The following ANKRD29 variants were observed in gnomAD, a reference collection of about 807,000 sequenced individuals.
The protein encoded by ANKRD29 is ankyrin repeat domain-containing protein 29.
ANKRD29 carries 32 observed loss-of-function variants against 38.0 expected under a neutral mutation model. The ratio of observed to expected loss-of-function variants is 0.84; its 90% CI spans 0.64 to 1.13. The LOEUF (loss-of-function observed/expected upper bound fraction) is 1.13, where lower values mean the gene tolerates loss of function less well. Ranked by LOEUF, ANKRD29 falls within the 50% of genes most tolerant of loss-of-function variation. ANKRD29 has a pLI of 0.00. For synonymous variants in ANKRD29, 135 were observed against 152.4 expected (o/e 0.89, Z 0.84); for missense variants, 357 against 377.9 (o/e 0.94, Z 0.46).
At chr18:23,606,361 C>T (rs1229644288) in intron 9 of ANKRD29, among the ~76,000 whole-genome samples, 2 of 152,184 alleles carry the variant, frequency 1.3e-5, no homozygotes, top group East Asian at 3.8e-4. Context: ...TTCAAGCGAT[C>T]CTGCTGCCTC....
intron 9 of ANKRD29, among the ~76,000 whole-genome samples, chr18:23,608,312 G>A (rs545580726): frequency 6.6e-6 from 1 of 152,302 alleles, no homozygotes; most frequent in African/African-American, 2.4e-5. Flanking sequence ...TAGCAAGACT[G>A]GCTTCTATGG....
intron 6 of ANKRD29, among the ~76,000 whole-genome samples, chr18:23,620,990 G>T (rs1568018451): frequency 6.6e-6 from 1 of 152,152 alleles, no homozygotes; most frequent in Non-Finnish European, 1.5e-5. Context: ...ACCCTGGGGT[G>T]TAAGAGTGCA....
intron 7 of ANKRD29, chr18:23,619,304 C>T (rs2059764063): frequency 3.9e-6 from 2 of 511,040 alleles, no homozygotes. Flanking sequence ...CTACCGCCCT[C>T]AGGCCTAAGG....
In ANKRD29 at chr18:23,649,319, T is replaced by G. The variant is rs372026075; in HGVS notation, c.22-126A>C. The G allele has an allele frequency of 1.4e-4, 105 of 769,856 alleles. No individual in the cohort carries two copies. In the East Asian group the frequency reaches 1.9e-3, roughly 14 times the overall value. 47.7% of individuals were successfully genotyped at this position (769,856 alleles called of 1,614,324 possible). On this transcript the variant is annotated intron_variant, in intron 1 of 9. Transcript: ENST00000592179. Reference sequence around the variant, plus strand: ...TGTGTTGCATCATTTGAAAGATTGATCCTCCAGCAATAGACAACTGTAATA... The same window carrying G: ...TGTGTTGCATCATTTGAAAGATTGAGCCTCCAGCAATAGACAACTGTAATA...
chr18:23,648,845 T>TC (rs1398063538), intron 2 of ANKRD29: 1 of 444,794 alleles, frequency 2.2e-6, no homozygotes, highest in East Asian at 3.5e-5. Flanking sequence ...GTGAAGTGCC[T>TC]CTTTCCCTAT....
At chr18:23,625,761 A>G (rs2059854576) in intron 6 of ANKRD29, among the ~76,000 whole-genome samples, 1 of 152,202 alleles carries the variant, frequency 6.6e-6, no homozygotes, top group Admixed American at 6.5e-5. Context: ...GTTAATAAGC[A>G]AAATGGGGCC....
rs763134882 is a variant in ANKRD29, at chr18:23,617,688, A to C, written c.723+44T>G. The C allele has an allele frequency of 2.6e-6, 4 of 1,544,868 alleles. No homozygotes were observed. The South Asian group carries it at 4.5e-5, about 17-fold the overall frequency. On this transcript the variant is annotated intron_variant, in intron 8 of 9. Transcript: ENST00000592179. Reference sequence around the variant, plus strand: ...GTCCCCAAGTGAGGACTTACTTTCTAACCTCTCTCTTACAGATTAGTAAAA... The same window carrying C: ...GTCCCCAAGTGAGGACTTACTTTCTCACCTCTCTCTTACAGATTAGTAAAA...
chr18:23,639,066 G>A, intron 3 of ANKRD29, 119 bp from the exon 4 acceptor site: 1 of 679,296 alleles, frequency 1.5e-6, no homozygotes, highest in Non-Finnish European at 2.3e-6. Flanking sequence ...CTAGGAAGGG[G>A]CTAAATTTGA....
At chr18:23,623,492 A>G in intron 6 of ANKRD29, among the ~76,000 whole-genome samples, 1 of 151,874 alleles carries the variant, frequency 6.6e-6, no homozygotes, top group East Asian at 1.9e-4. Flanking sequence ...CTTCATTTTC[A>G]TCATGAAAAT....
chr18:23,610,380 A>C (rs921388123), intron 9 of ANKRD29, among the ~76,000 whole-genome samples: 1 of 152,228 alleles, frequency 6.6e-6, no homozygotes, highest in Admixed American at 6.5e-5. Context: ...GGGCAGGCTG[A>C]GGCAGGAGAA....
intron 2 of ANKRD29, 146 bp downstream of exon 2, chr18:23,648,937 T>C (rs761449767): frequency 1.5e-6 from 1 of 669,850 alleles, no homozygotes; most frequent in East Asian, 2.9e-5. Flanking sequence ...TTCACCACAG[T>C]ACCTTGGATG....
At chr18:23,660,002 T>G (rs1402446957) in intron 1 of ANKRD29, among the ~76,000 whole-genome samples, 3 of 151,730 alleles carry the variant, frequency 2.0e-5, no homozygotes, top group Non-Finnish European at 2.9e-5. Flanking sequence ...TCCCAGCTAC[T>G]CGGGGGGCTG....
At chr18:23,628,232 T>C (rs1711464) in intron 6 of ANKRD29, among the ~76,000 whole-genome samples, 103,336 of 152,040 alleles carry the variant, frequency 0.68, 35,433 homozygotes, top group Middle Eastern at 0.78. Flanking sequence ...AGAGATGGAT[T>C]GAGAACTTGG....
intron 7 of ANKRD29, chr18:23,619,287 C>A (rs2059763680): frequency 2.1e-6 from 1 of 476,266 alleles, no homozygotes; most frequent in Non-Finnish European, 3.7e-6. Context: ...GGCGGGAGGC[C>A]CCGTCTCTAC....
intron 9 of ANKRD29, among the ~76,000 whole-genome samples, chr18:23,607,275 T>C (rs1177017613): frequency 1.3e-5 from 2 of 152,230 alleles, no homozygotes; most frequent in Non-Finnish European, 2.9e-5. Context: ...TCAAGTTCTG[T>C]TAGCTTAGTT....
rs777416604 is a variant in ANKRD29, at chr18:23,638,920, C to T, written c.259G>A (p.Ala87Thr). 6.4e-5 allele frequency: 103 copies of T among 1,612,246 alleles called. No individual in the cohort carries two copies. Among genetic ancestry groups the T allele is most frequent in the East Asian group, 2.0e-4 (9 of 44,828 alleles). ...ACGACATCATTATGGCCTTGCTGGG[C>T]GGCAAAGAATAGGGCAGTTGTACCT... Reference protein sequence around the residue: ...ESGTTALFFAAQQGHNDVVRF... With the variant: ...ESGTTALFFATQQGHNDVVRF... The change falls in exon 4 of 10, where the codon GCC becomes ACC. Residue 87 changes from alanine to threonine, a missense_variant. By Grantham distance (58) the Ala-to-Thr change is moderately conservative. Transcript: ENST00000592179.
intron 9 of ANKRD29, among the ~76,000 whole-genome samples, chr18:23,603,491 G>C (rs1194603545): frequency 1.3e-5 from 2 of 152,202 alleles, no homozygotes; most frequent in Non-Finnish European, 2.9e-5. Flanking sequence ...AAATTAGCTG[G>C]GCGTGGTGGC....
At chr18:23,649,671 T>C in intron 1 of ANKRD29, 1 of 413,574 alleles carries the variant, frequency 2.4e-6, no homozygotes, top group Non-Finnish European at 4.8e-6. Flanking sequence ...ATGCTTTCTA[T>C]CTGATTCCAA....
chr18:23,608,595 A>G (rs1360799087), intron 9 of ANKRD29, among the ~76,000 whole-genome samples: 2 of 152,160 alleles, frequency 1.3e-5, no homozygotes, highest in Non-Finnish European at 2.9e-5. Context: ...GCCTTTGCAA[A>G]ATTATAACTG....
Sources: gnomAD v4.1 joint callset for allele counts (sites outside exome capture counted in the v4.1 genomes callset) on GRCh38, gnomAD v4.1.1 for gene constraint, MANE v1.5 for transcripts, NCBI Gene and HGNC (gene_info 2026-07-23, HGNC 2026-07-21) for gene names.